The following CLINT1 variants were observed in gnomAD, a reference collection of about 807,000 sequenced individuals.
The protein encoded by CLINT1 is clathrin interactor 1.
In CLINT1, 15 loss-of-function variants were observed where a neutral mutation model predicts 70.4. That is an observed-to-expected ratio of 0.21 (90% confidence interval 0.14 to 0.33). The LOEUF is 0.33. CLINT1 is among the 10% of genes least tolerant of loss of function. The pLI is 1.00. For synonymous variants in CLINT1, 227 were observed against 254.7 expected (o/e 0.89, Z 1.04); for missense variants, 615 against 778.1 (o/e 0.79, Z 2.49).
intron 10 of CLINT1, chr5:157,789,751 A>T: frequency 1.7e-6 from 1 of 594,546 alleles, no homozygotes; most frequent in African/African-American, 1.9e-5. Context: ...ATCAGGTTTG[A>T]GGTGGATAAA....
intron 1 of CLINT1, 37 bp downstream of exon 1, chr5:157,858,886 CTCCCCCA>C: frequency 1.1e-6 from 1 of 872,744 alleles, no homozygotes; most frequent in African/African-American, 1.8e-5. Context: ...CCCCTCCCCC[CTCCCCCA>C]CGTGGGCCTC....
chr5:157,853,044 A>C (rs1179306556), intron 1 of CLINT1, among the ~76,000 whole-genome samples: 2 of 152,242 alleles, frequency 1.3e-5, no homozygotes, highest in Admixed American at 6.5e-5. Flanking sequence ...AACAAGTAGG[A>C]AAATAATATA....
chr5:157,793,966 ATGTT>A (rs1408557447), intron 9 of CLINT1, among the ~76,000 whole-genome samples: 10 of 152,166 alleles, frequency 6.6e-5, no homozygotes, highest in Non-Finnish European at 8.8e-5. Flanking sequence ...GCCTCACCTC[ATGTT>A]TAAGATTCTC....
In CLINT1 at chr5:157,818,682, A is replaced by G. The variant is rs151199354; in HGVS notation, c.42-1135T>C. Among the ~76,000 whole-genome samples the G allele has an allele frequency of 7.6e-4, 116 of 152,122 alleles. 1 individual carries two copies. In the East Asian group the frequency reaches 0.021, roughly 27 times the overall value. ...AAAAGGAAATATATATAAAATAACC[A>G]TCTATTAGGAGTATTTCAAAACATT... is the stretch of plus-strand genomic sequence containing the variant. On this transcript the variant is annotated intron_variant, in intron 1 of 11. Transcript: ENST00000411809.
intron 1 of CLINT1, among the ~76,000 whole-genome samples, chr5:157,856,622 C>T (rs978415242): frequency 2.6e-5 from 4 of 152,110 alleles, no homozygotes; most frequent in Middle Eastern, 3.2e-3. Context: ...CTGTAAGATG[C>T]TTACATTTGG....
intron 7 of CLINT1, among the ~76,000 whole-genome samples, chr5:157,805,148 C>T (rs560553466): frequency 6.6e-6 from 1 of 152,266 alleles, no homozygotes; most frequent in Admixed American, 6.5e-5. Context: ...TTCAGAGTCA[C>T]CTACAATCTG....
intron 8 of CLINT1, 29 bp from the exon 9 acceptor site, chr5:157,795,001 T>C (rs1762026111): frequency 2.0e-6 from 3 of 1,519,566 alleles, no homozygotes; most frequent in South Asian, 2.4e-5. Context: ...TTAAAACTGT[T>C]AGAACTAGAG....
At chr5:157,855,537 G>A (rs1043292427) in intron 1 of CLINT1, among the ~76,000 whole-genome samples, 1 of 152,126 alleles carries the variant, frequency 6.6e-6, no homozygotes, top group Non-Finnish European at 1.5e-5. Context: ...GCAGGCCTAT[G>A]GCTTTATCTG....
Position 157,808,105 on chromosome 5 carries a change from A to G in CLINT1, c.695+1523T>C, listed in dbSNP as rs113998945. 8.9e-3 allele frequency among the ~76,000 whole-genome samples: 1,352 copies of G among 152,242 alleles called. 9 individuals are homozygous for G. The highest frequency in any genetic ancestry group is 0.015 in the Non-Finnish European group (1,005 of 67,952). On this transcript the variant is annotated intron_variant, in intron 6 of 11. Transcript: ENST00000411809. ...GATGCATATGATAATTATAAATACT[A>G]AACATTGGGAGGGAAATGGTGCCCA...
At chr5:157,798,336 G>A (rs1451246753) in intron 8 of CLINT1, among the ~76,000 whole-genome samples, 4 of 152,300 alleles carry the variant, frequency 2.6e-5, no homozygotes, top group Non-Finnish European at 2.9e-5. Flanking sequence ...ATTCCCACAT[G>A]AGAACTGTCA....
chr5:157,796,099 G>A (rs558849300), intron 8 of CLINT1: 4 of 152,152 alleles, frequency 2.6e-5, no homozygotes, highest in Non-Finnish European at 4.4e-5. Flanking sequence ...CAATACAATA[G>A]TTTTGGTGGA....
intron 3 of CLINT1, among the ~76,000 whole-genome samples, chr5:157,816,336 A>T (rs1439069144): frequency 2.0e-5 from 3 of 152,176 alleles, no homozygotes. Context: ...AACATTTTGG[A>T]TACAAAATAC....
At chr5:157,845,832 G>A (rs1753358210) in intron 1 of CLINT1, among the ~76,000 whole-genome samples, 1 of 152,186 alleles carries the variant, frequency 6.6e-6, no homozygotes, top group Non-Finnish European at 1.5e-5. Context: ...GGGATTACAG[G>A]CGTAAGCCAC....
chr5:157,840,472 A>G (rs1753134833), intron 1 of CLINT1, among the ~76,000 whole-genome samples: 1 of 152,002 alleles, frequency 6.6e-6, no homozygotes, highest in Non-Finnish European at 1.5e-5. Flanking sequence ...GTGGCTATCT[A>G]AAAGAATCAT....
chr5:157,809,499 A>T lies in CLINT1; in HGVS notation c.695+129T>A, dbSNP rs1762481496. 1.4e-4 allele frequency: 57 copies of T among 410,252 alleles called. No homozygotes were observed. In the East Asian group the frequency reaches 2.7e-3, roughly 19 times the overall value. 25.4% of individuals were successfully genotyped at this position (410,252 alleles called of 1,614,324 possible). A position where few individuals can be genotyped will look rare whatever the true frequency, so the allele number is the denominator to read the frequency against. On this transcript the variant is annotated intron_variant, in intron 6 of 11. Coordinates refer to ENST00000411809, the MANE Select transcript of CLINT1 (RefSeq NM_014666.4). ...CTCTAAAAACAAATGAAGTCTATTAAAAAAAAAAAAAAAGGCCCAATTTCA... is the reference window on the plus strand; with the variant it reads ...CTCTAAAAACAAATGAAGTCTATTATAAAAAAAAAAAAAGGCCCAATTTCA...
intron 1 of CLINT1, among the ~76,000 whole-genome samples, chr5:157,822,773 TC>T (rs1458189044): frequency 6.6e-6 from 1 of 152,234 alleles, no homozygotes; most frequent in African/African-American, 2.4e-5. Flanking sequence ...TTACAGGCAG[TC>T]AATACTTCTT....
chr5:157,815,418 TAGAC>T (rs1364387632), intron 3 of CLINT1, among the ~76,000 whole-genome samples: 1 of 152,214 alleles, frequency 6.6e-6, no homozygotes, highest in African/African-American at 2.4e-5. Flanking sequence ...GTTCTGGAAT[TAGAC>T]AGTAGTTACT....
chr5:157,840,031 T>A (rs1409908243), intron 1 of CLINT1, among the ~76,000 whole-genome samples: 3 of 151,468 alleles, frequency 2.0e-5, no homozygotes, highest in Admixed American at 6.6e-5. Context: ...AGGCTGTTGC[T>A]ACTAAAAATA....
chr5:157,801,752 G>A (rs572453455), intron 8 of CLINT1, among the ~76,000 whole-genome samples: 24 of 152,168 alleles, frequency 1.6e-4, no homozygotes, highest in Non-Finnish European at 3.2e-4. Flanking sequence ...AGAATTGCTT[G>A]AATAAAGTTC....
Sources: allele counts gnomAD v4.1 joint callset (sites outside exome capture counted in the v4.1 genomes callset), GRCh38; gene constraint gnomAD v4.1.1; transcripts MANE v1.5; gene names NCBI Gene and HGNC (gene_info 2026-07-23, HGNC 2026-07-21).